KCNMB2: variants seen among roughly 807,000 people sequenced by gnomAD.
KCNMB2 encodes calcium-activated potassium channel subunit beta-2.
A neutral mutation model predicts 24.5 loss-of-function variants in KCNMB2; 9 were observed. The observed-to-expected ratio is 0.37, with a 90% CI of 0.22 to 0.64. KCNMB2 has a LOEUF of 0.64. Among genes scored for constraint, KCNMB2 ranks in the 30% least tolerant of loss-of-function variants. The pLI, the probability that KCNMB2 is intolerant of heterozygous loss-of-function variation, is 0.63. For missense variants in KCNMB2, 226 were observed against 284.3 expected, an observed-to-expected ratio of 0.79 and a Z score of 1.47; for synonymous variants, 109 against 104.4, an observed-to-expected ratio of 1.04 and a Z score of -0.27.
chr3:178,829,532 T>C lies in KCNMB2; in HGVS notation c.423+1159T>C, dbSNP rs139980953. On this transcript the variant is annotated intron_variant, in intron 4 of 4. Transcript: ENST00000452583. ...AAATGCTGGCTCTGATTTTCTTTCA[T>C]TTGTAGTAGCCACAAATAATACCAG... Among the ~76,000 whole-genome samples, 412 of 152,310 alleles carry C rather than the reference T, an allele frequency of 2.7e-3. 2 individuals are homozygous for C. Among genetic ancestry groups the C allele is most frequent in the African/African-American group, 9.4e-3 (392 of 41,570 alleles).
intron 1 of KCNMB2, among the ~76,000 whole-genome samples, chr3:178,700,365 CT>C (rs1390500815): frequency 6.6e-6 from 1 of 152,154 alleles, no homozygotes; most frequent in Non-Finnish European, 1.5e-5. Context: ...AGCCTAAAGG[CT>C]TAATAAAGTA....
At position 178,568,843 on chromosome 3, in the gene KCNMB2, A is replaced by AGAT. The variant is rs1373862206; in HGVS notation, c.-68+32133_-68+32135dup. On this transcript the variant is annotated intron_variant, in intron 1 of 4. Coordinates refer to ENST00000452583, the MANE Select transcript of KCNMB2 (RefSeq NM_181361.3). ...ATAGATAGATAGATGATAGATAGAT[A>AGAT]GATAGATAGATGATAGATAGATAGA... Among the ~76,000 whole-genome samples the AGAT allele has an allele frequency of 2.3e-3, 273 of 120,124 alleles. 4 individuals carry two copies. The highest frequency in any genetic ancestry group is 9.1e-3 in the East Asian group (39 of 4,284). The allele number at this position is 120,124 out of a possible 152,430, so 78.8% of individuals were successfully genotyped here.
At chr3:178,818,929 C>T (rs1164008106) in intron 2 of KCNMB2, among the ~76,000 whole-genome samples, 1 of 125,600 alleles carries the variant, frequency 8.0e-6, no homozygotes, top group Non-Finnish European at 1.6e-5. Context: ...TGCCTGGATA[C>T]TCTTCCTTTC....
chr3:178,754,587 G>C (rs1446460428), intron 1 of KCNMB2, among the ~76,000 whole-genome samples: 1 of 152,162 alleles, frequency 6.6e-6, no homozygotes, highest in Non-Finnish European at 1.5e-5. Context: ...GACCACAGAG[G>C]AGGCAGCATT....
Position 178,691,107 on chromosome 3 carries a change from C to CTTTTTTTTTTTTTTT in KCNMB2, c.-67-116230_-67-116216dup, listed in dbSNP as rs71181241. On this transcript the variant is annotated intron_variant, in intron 1 of 4. Transcript: ENST00000452583. ...TGTACAGCATAATTCCCCATTAAGT[C>CTTTTTTTTTTTTTTT]TTTTTTTTTTTTTTTTTTTTGATAG... is the stretch of plus-strand genomic sequence containing the variant. 3.4e-4 allele frequency among the ~76,000 whole-genome samples: 27 copies of CTTTTTTTTTTTTTTT among 79,730 alleles called. 3 individuals carry two copies. Among genetic ancestry groups the CTTTTTTTTTTTTTTT allele is most frequent in the African/African-American group, 1.0e-3 (17 of 16,304 alleles). 52.3% of individuals were successfully genotyped at this position (79,730 alleles called of 152,430 possible).
chr3:178,623,941 G>C (rs1480662578), intron 1 of KCNMB2, among the ~76,000 whole-genome samples: 1 of 152,146 alleles, frequency 6.6e-6, no homozygotes, highest in Non-Finnish European at 1.5e-5. Context: ...CCTGAGAGAA[G>C]GTCCCAGGTC....
At chr3:178,750,421 G>T (rs1723805460) in intron 1 of KCNMB2, among the ~76,000 whole-genome samples, 1 of 152,042 alleles carries the variant, frequency 6.6e-6, no homozygotes, top group South Asian at 2.1e-4. Context: ...AAAAAACACT[G>T]CTCAGTCAAT....
chr3:178,623,263 C>T (rs999358046), intron 1 of KCNMB2, among the ~76,000 whole-genome samples: 1 of 152,204 alleles, frequency 6.6e-6, no homozygotes, highest in African/African-American at 2.4e-5. Flanking sequence ...CATAGGGCCA[C>T]ACTTACGTGA....
At chr3:178,811,233 A>C (rs917184447) in intron 2 of KCNMB2, among the ~76,000 whole-genome samples, 1 of 152,226 alleles carries the variant, frequency 6.6e-6, no homozygotes, top group African/African-American at 2.4e-5. Context: ...AAGTGATATT[A>C]TAAACATCCA....
At chr3:178,823,493 C>T (rs1714714250) in intron 2 of KCNMB2, among the ~76,000 whole-genome samples, 1 of 152,160 alleles carries the variant, frequency 6.6e-6, no homozygotes, top group Non-Finnish European at 1.5e-5. Flanking sequence ...ATACAAACCA[C>T]CTCAAAAAGA....
rs920097393 is a variant in KCNMB2, at chr3:178,843,900, G to A, written c.*963G>A. 6.6e-6 allele frequency: 1 copy of A among 152,214 alleles called. No individual in the cohort carries two copies. Among genetic ancestry groups the A allele is most frequent in the African/African-American group, 2.4e-5 (1 of 41,462 alleles). The allele number at this position is 152,214 out of a possible 1,614,324, so 9.4% of individuals were successfully genotyped here. On this transcript the variant is annotated 3_prime_UTR_variant, in exon 5 of 5. Transcript: ENST00000452583. ...AATTTGTGCTTAAGTCAATGAATGT[G>A]TAGTATCTCCTTCTGACAAGCATTC...
chr3:178,759,318 T>G (rs1333386718), intron 1 of KCNMB2, among the ~76,000 whole-genome samples: 1 of 60,240 alleles, frequency 1.7e-5, no homozygotes, highest in Non-Finnish European at 3.5e-5. Context: ...TCCAAGAGGA[T>G]ATATATATAT....
chr3:178,766,142 T>A (rs1450757228), intron 1 of KCNMB2, among the ~76,000 whole-genome samples: 1 of 152,146 alleles, frequency 6.6e-6, no homozygotes, highest in African/African-American at 2.4e-5. Flanking sequence ...TTCCCTTATG[T>A]TCCCAGAAGA....
chr3:178,762,499 A>AT (rs1474435782), intron 1 of KCNMB2, among the ~76,000 whole-genome samples: 1 of 152,246 alleles, frequency 6.6e-6, no homozygotes, highest in Admixed American at 6.5e-5. Context: ...ATGGAAAACC[A>AT]TTAATAGATT....
At chr3:178,681,657 T>C (rs1420874125) in intron 1 of KCNMB2, among the ~76,000 whole-genome samples, 1 of 152,178 alleles carries the variant, frequency 6.6e-6, no homozygotes, top group Non-Finnish European at 1.5e-5. Flanking sequence ...TATCCAAAGG[T>C]CCTTAGACAA....
At chr3:178,619,537 C>G (rs975422562) in intron 1 of KCNMB2, among the ~76,000 whole-genome samples, 1 of 152,082 alleles carries the variant, frequency 6.6e-6, no homozygotes, top group Admixed American at 6.6e-5. Context: ...AAGACTACCT[C>G]TAACTCATTT....
At chr3:178,698,018 C>G (rs1193129418) in intron 1 of KCNMB2, among the ~76,000 whole-genome samples, 2 of 152,190 alleles carry the variant, frequency 1.3e-5, no homozygotes. Flanking sequence ...AACTTTCTCT[C>G]TAGCTGCCTT....
intron 3 of KCNMB2, among the ~76,000 whole-genome samples, chr3:178,826,006 GTATAAA>G (rs1301127238): frequency 7.2e-5 from 11 of 152,180 alleles, no homozygotes; most frequent in African/African-American, 2.2e-4. Flanking sequence ...TATAAGGTAA[GTATAAA>G]TATACTCATT....
chr3:178,559,098 C>T (rs10936973), intron 1 of KCNMB2: 53,497 of 152,052 alleles, frequency 0.35, 10,632 homozygotes, highest in East Asian at 0.6. Flanking sequence ...AAGAGCTGTA[C>T]TGGTTTGGAT....
Sources: allele counts gnomAD v4.1 joint callset (sites outside exome capture counted in the v4.1 genomes callset), GRCh38; gene constraint gnomAD v4.1.1; transcripts MANE v1.5; gene names NCBI Gene and HGNC (gene_info 2026-07-23, HGNC 2026-07-21).